KIF13A: variants seen among roughly 807,000 people sequenced by gnomAD.
The protein encoded by KIF13A is kinesin-like protein KIF13A.
A neutral mutation model predicts 212.2 loss-of-function variants in KIF13A; 79 were observed. That is an observed-to-expected ratio of 0.37 (90% CI 0.31 to 0.45). The LOEUF (loss-of-function observed/expected upper bound fraction) is 0.45, where lower values mean the gene tolerates loss of function less well. KIF13A is among the 20% of genes least tolerant of loss of function. The probability of loss-of-function intolerance (pLI) is 1.00; values close to 1 mark genes in which losing one functional copy is unlikely to be tolerated. For missense variants in KIF13A, 1,901 were observed against 2,209.0 expected, an observed-to-expected ratio of 0.86 and a Z score of 2.79; for synonymous variants, 789 against 808.6, an observed-to-expected ratio of 0.98 and a Z score of 0.41.
intron 9 of KIF13A, among the ~76,000 whole-genome samples, chr6:17,846,901 C>A (rs889536476): frequency 6.6e-6 from 1 of 152,050 alleles, no homozygotes; most frequent in Non-Finnish European, 1.5e-5. Flanking sequence ...GGCTCGGAGA[C>A]CAATTGACGG....
rs1279252505 is a variant in KIF13A, at chr6:17,807,067, C to T, written c.2164-1452G>A. Among the ~76,000 whole-genome samples the T allele has an allele frequency of 3.3e-5, 5 of 152,080 alleles. No individual in the cohort carries two copies. In the East Asian group the frequency reaches 5.8e-4, roughly 18 times the overall value. On this transcript the variant is annotated intron_variant, in intron 18 of 38. Transcript: ENST00000259711. ...ATTATCTTTGTAAGCTGAAGATGTA[C>T]GTCATCTCAGGACCACTGTGATAAC...
intron 9 of KIF13A, among the ~76,000 whole-genome samples, chr6:17,840,723 C>A (rs998435296): frequency 6.6e-6 from 1 of 151,952 alleles, no homozygotes; most frequent in Non-Finnish European, 1.5e-5. Flanking sequence ...ATCCAAATAG[C>A]GCTTTGAGAG....
chr6:17,983,208 T>G (rs565713263), intron 2 of KIF13A, among the ~76,000 whole-genome samples: 1 of 151,588 alleles, frequency 6.6e-6, no homozygotes, highest in Non-Finnish European at 1.5e-5. Context: ...CCAAAGATAT[T>G]TCTTAAAAAA....
intron 14 of KIF13A, among the ~76,000 whole-genome samples, chr6:17,827,177 C>G (rs1765040509): frequency 6.6e-6 from 1 of 152,158 alleles, no homozygotes; most frequent in Admixed American, 6.5e-5. Flanking sequence ...TCACTACAGC[C>G]TCAACCTCGT....
intron 2 of KIF13A, among the ~76,000 whole-genome samples, chr6:17,937,157 G>A (rs946936152): frequency 2.6e-5 from 4 of 152,272 alleles, no homozygotes; most frequent in Admixed American, 6.5e-5. Context: ...TAGCCTGGGC[G>A]ACATAGTGAG....
chr6:17,836,550 A>G (rs1485978719), intron 11 of KIF13A, among the ~76,000 whole-genome samples: 2 of 152,248 alleles, frequency 1.3e-5, no homozygotes, highest in Non-Finnish European at 2.9e-5. Flanking sequence ...GAGATGATGT[A>G]TTAGTCAGTT....
intron 2 of KIF13A, among the ~76,000 whole-genome samples, chr6:17,981,208 G>T (rs749067961): frequency 6.6e-6 from 1 of 151,758 alleles, no homozygotes; most frequent in South Asian, 2.1e-4. Flanking sequence ...GTAAGACATA[G>T]CCATTATTTT....
At chr6:17,903,873 C>T (rs1196399768) in intron 2 of KIF13A, among the ~76,000 whole-genome samples, 1 of 152,154 alleles carries the variant, frequency 6.6e-6, no homozygotes, top group Non-Finnish European at 1.5e-5. Context: ...GGCGGCGTGG[C>T]TCATGCCTGT....
At chr6:17,962,412 A>G (rs1399639867) in intron 2 of KIF13A, among the ~76,000 whole-genome samples, 1 of 152,216 alleles carries the variant, frequency 6.6e-6, no homozygotes, top group East Asian at 1.9e-4. Flanking sequence ...AGAAGAAGCA[A>G]TAAGTCATAA....
rs1759596302 is a variant in KIF13A, at chr6:17,772,624, C to G, written c.4325-565G>C. 6.6e-6 allele frequency among the ~76,000 whole-genome samples: 1 copy of G among 152,268 alleles called. No homozygotes were observed. The highest frequency in any genetic ancestry group is 2.4e-5 in the African/African-American group (1 of 41,474). ...GCACCACTAACCAGACCAATTTCAG[C>G]TCACGCTGATTTTCCATTCCTCTGA... is the stretch of plus-strand genomic sequence containing the variant. On this transcript the variant is annotated intron_variant, in intron 36 of 38. Coordinates refer to ENST00000259711, the MANE Select transcript of KIF13A (RefSeq NM_022113.6). This position sits in a 1 kb window ranked among gnomAD's most constrained non-coding sequence, Gnocchi z 4.8.
intron 9 of KIF13A, among the ~76,000 whole-genome samples, chr6:17,841,771 T>G (rs1453140632): frequency 6.6e-6 from 1 of 152,118 alleles, no homozygotes; most frequent in Non-Finnish European, 1.5e-5. Flanking sequence ...TGGGACTCAA[T>G]GGCAAGTGAG....
rs1758799603 is a variant in KIF13A at position 17,764,816 on chromosome 6, G to GAAAACCATT, written c.4703_4711dup (p.Phe1570_Ser1571insTer). 6.2e-7 allele frequency: 1 copy of GAAAACCATT among 1,613,420 alleles called. No individual in the cohort carries two copies. Among genetic ancestry groups the GAAAACCATT allele is most frequent in the Non-Finnish European group, 8.5e-7 (1 of 1,179,724 alleles). The stretch of plus-strand genomic sequence containing the variant: ...TGAGTTTGACAGATCTACTTTAGAG[G>GAAAACCATT]AAAACCATTCCCTGTTCTCCAAGCT... On this transcript the variant is annotated stop_gained, in exon 39 of 39. Coordinates refer to ENST00000259711, the MANE Select transcript of KIF13A (RefSeq NM_022113.6). LOFTEE classifies it low-confidence loss of function (END_TRUNC). The surrounding 1 kb of genome is among the most constrained non-coding windows in gnomAD (Gnocchi z 5.1).
At chr6:17,916,622 AG>A (rs1774537588) in intron 2 of KIF13A, among the ~76,000 whole-genome samples, 1 of 152,250 alleles carries the variant, frequency 6.6e-6, no homozygotes, top group Non-Finnish European at 1.5e-5. Flanking sequence ...CTCACAACAT[AG>A]ACCCAATGAA....
intron 2 of KIF13A, among the ~76,000 whole-genome samples, chr6:17,927,182 G>A (rs1445788518): frequency 6.6e-6 from 1 of 150,914 alleles, no homozygotes; most frequent in Non-Finnish European, 1.5e-5. Context: ...CAGATAAAAA[G>A]TGAATGCAGG....
In KIF13A at chr6:17,786,575, G is replaced by A. The variant is rs980717968; in HGVS notation, c.3362-934C>T. 1.3e-5 allele frequency among the ~76,000 whole-genome samples: 2 copies of A among 151,992 alleles called. No individual in the cohort carries two copies. The highest frequency in any genetic ancestry group is 2.9e-5 in the Non-Finnish European group (2 of 68,008). ...AGATCATGCCACTGCACTCCAGCCT[G>A]GGCGACAGAGGGAGACTCCATCTCA... On this transcript the variant is annotated intron_variant, in intron 27 of 38. Coordinates refer to ENST00000259711, the MANE Select transcript of KIF13A (RefSeq NM_022113.6). This position sits in a 1 kb window ranked among gnomAD's most constrained non-coding sequence, Gnocchi z 5.4.
At chr6:17,975,205 C>T (rs1045490592) in intron 2 of KIF13A, among the ~76,000 whole-genome samples, 4 of 152,048 alleles carry the variant, frequency 2.6e-5, no homozygotes, top group Non-Finnish European at 4.4e-5. Context: ...TAAAAAAAAA[C>T]TAGCAGGCGG....
intron 2 of KIF13A, among the ~76,000 whole-genome samples, chr6:17,936,088 T>G (rs142040930): frequency 6.6e-6 from 1 of 152,198 alleles, no homozygotes; most frequent in South Asian, 2.1e-4. Context: ...TCCAGGTTAA[T>G]TTGACATTAT....
intron 17 of KIF13A, among the ~76,000 whole-genome samples, chr6:17,810,666 G>A (rs1763356165): frequency 6.6e-6 from 1 of 152,178 alleles, no homozygotes; most frequent in Non-Finnish European, 1.5e-5. Flanking sequence ...TGGGAGCCCT[G>A]AGCTTGTTTT....
intron 2 of KIF13A, among the ~76,000 whole-genome samples, chr6:17,917,752 T>A (rs1364746298): frequency 6.6e-6 from 1 of 152,220 alleles, no homozygotes; most frequent in Non-Finnish European, 1.5e-5. Context: ...ATAAATTTCC[T>A]ATCATTTACC....
Sources: gnomAD v4.1 joint callset for allele counts (sites outside exome capture counted in the v4.1 genomes callset) on GRCh38, gnomAD v4.1.1 for gene constraint, Gnocchi (gnomAD v3.1) non-coding constraint, MANE v1.5 for transcripts, NCBI Gene and HGNC (gene_info 2026-07-23, HGNC 2026-07-21) for gene names.